Variants in FRMD4A observed in about 807,000 individuals in gnomAD.
The protein encoded by FRMD4A is FERM domain-containing protein 4A.
In FRMD4A, 29 loss-of-function variants were observed where a neutral mutation model predicts 129.1. That is an observed-to-expected ratio of 0.22 (90% CI 0.17 to 0.31). The LOEUF is 0.31. Ranked by LOEUF, FRMD4A falls within the 10% of genes least tolerant of loss-of-function variation. FRMD4A has a pLI of 1.00. For synonymous variants in FRMD4A, 634 were observed against 571.6 expected (o/e 1.11, Z -1.56); for missense variants, 1,272 against 1,375.8 (o/e 0.92, Z 1.19).
At chr10:13,923,681 A>T (rs1276306275) in intron 2 of FRMD4A, among the ~76,000 whole-genome samples, 2 of 152,146 alleles carry the variant, frequency 1.3e-5, no homozygotes, top group Admixed American at 6.5e-5. Context: ...ACTTTTTTTT[A>T]AAACCTGGAC....
At chr10:13,716,047 GT>G (rs1370148831) in intron 12 of FRMD4A, among the ~76,000 whole-genome samples, 1 of 152,070 alleles carries the variant, frequency 6.6e-6, no homozygotes, top group African/African-American at 2.4e-5. Flanking sequence ...TTTGTGTAAT[GT>G]TTTTTTGAAA....
chr10:14,055,462 AAC>A (rs71388155), intron 2 of FRMD4A, among the ~76,000 whole-genome samples: 3,242 of 77,354 alleles, frequency 0.042, 57 homozygotes, highest in East Asian at 0.11. Flanking sequence ...CACACACACA[AAC>A]ACACACACAC....
intron 6 of FRMD4A, among the ~76,000 whole-genome samples, chr10:13,779,330 A>G (rs1235357885): frequency 6.6e-6 from 1 of 152,178 alleles, no homozygotes; most frequent in Non-Finnish European, 1.5e-5. Context: ...AAAAAAAAAA[A>G]AAAGACTTAT....
At chr10:14,127,007 C>T (rs571202274) in intron 2 of FRMD4A, among the ~76,000 whole-genome samples, 9 of 152,274 alleles carry the variant, frequency 5.9e-5, no homozygotes, top group African/African-American at 2.2e-4. Context: ...ACAGTTCCTG[C>T]CCTTATGGAG....
chr10:14,030,075 T>G lies in FRMD4A; in HGVS notation c.46-171163A>C, dbSNP rs926204868. On this transcript the variant is annotated intron_variant, in intron 2 of 24. Coordinates refer to ENST00000357447, the MANE Select transcript of FRMD4A (RefSeq NM_018027.5). ...TAGCCAGACTCACAGAGGAACAGGG[T>G]AGAATGTGGTTTCCAGGAGCTGGAG... is the stretch of plus-strand genomic sequence containing the variant. Among the ~76,000 whole-genome samples the G allele has an allele frequency of 2.0e-5, 3 of 152,058 alleles. No individual in the cohort carries two copies. The East Asian group carries it at 5.8e-4, about 29-fold the overall frequency.
chr10:14,236,860 C>T (rs1167189639), intron 2 of FRMD4A, among the ~76,000 whole-genome samples: 5 of 152,008 alleles, frequency 3.3e-5, no homozygotes, highest in African/African-American at 1.2e-4. Context: ...TCCTGAGTGA[C>T]CCTGGTTCTG....
chr10:13,908,783 A>G (rs558219743), intron 2 of FRMD4A, among the ~76,000 whole-genome samples: 1 of 152,352 alleles, frequency 6.6e-6, no homozygotes, highest in African/African-American at 2.4e-5. Flanking sequence ...TAGCATTGCC[A>G]GAGAAAAGAC....
intron 2 of FRMD4A, among the ~76,000 whole-genome samples, chr10:14,189,724 T>A (rs1842258827): frequency 6.6e-6 from 1 of 152,218 alleles, no homozygotes; most frequent in Non-Finnish European, 1.5e-5. Flanking sequence ...GTAACAGATG[T>A]TAGTGTCATC....
At chr10:13,775,313 G>C (rs1313849533) in intron 6 of FRMD4A, among the ~76,000 whole-genome samples, 1 of 152,250 alleles carries the variant, frequency 6.6e-6, no homozygotes, top group Non-Finnish European at 1.5e-5. Context: ...ATCAGAAGGA[G>C]CAAAAAGGAG....
At chr10:14,137,882 A>T (rs60397947) in intron 2 of FRMD4A, among the ~76,000 whole-genome samples, 6,740 of 152,064 alleles carry the variant, frequency 0.044, 479 homozygotes, top group African/African-American at 0.15. Context: ...AGATGAGATT[A>T]TGTAAGCCCC....
chr10:14,316,610 C>G (rs1205794975), intron 2 of FRMD4A, among the ~76,000 whole-genome samples: 1 of 151,648 alleles, frequency 6.6e-6, no homozygotes, highest in Non-Finnish European at 1.5e-5. Context: ...TGAGTTGGTC[C>G]TCTCAGAAGG....
At chr10:14,195,678 C>G (rs1276312721) in intron 2 of FRMD4A, among the ~76,000 whole-genome samples, 1 of 152,178 alleles carries the variant, frequency 6.6e-6, no homozygotes, top group Non-Finnish European at 1.5e-5. Context: ...ACATGATTCC[C>G]AGCAGGAAGG....
chr10:14,214,817 T>A (rs1272123755), intron 2 of FRMD4A, among the ~76,000 whole-genome samples: 1 of 152,208 alleles, frequency 6.6e-6, no homozygotes, highest in Non-Finnish European at 1.5e-5. Context: ...CAACTGTGAT[T>A]TTTAAAAACC....
chr10:13,747,396 G>A (rs760516588), intron 9 of FRMD4A, among the ~76,000 whole-genome samples: 8 of 151,650 alleles, frequency 5.3e-5, no homozygotes, highest in Non-Finnish European at 8.8e-5. Flanking sequence ...AATTAGCCAG[G>A]TGTGGTGGTG....
intron 2 of FRMD4A, among the ~76,000 whole-genome samples, chr10:13,940,384 G>T (rs911038836): frequency 1.2e-4 from 19 of 152,108 alleles, no homozygotes; most frequent in African/African-American, 4.8e-5. Flanking sequence ...AGAATGTGAG[G>T]TCTTTCCTAC....
intron 3 of FRMD4A, among the ~76,000 whole-genome samples, chr10:13,830,822 C>T (rs903386685): frequency 2.0e-5 from 3 of 152,170 alleles, no homozygotes; most frequent in Admixed American, 1.3e-4. Flanking sequence ...CAGAGTCTCG[C>T]TCTGTCACCC....
At chr10:14,067,113 C>A (rs1030432645) in intron 2 of FRMD4A, among the ~76,000 whole-genome samples, 1 of 151,802 alleles carries the variant, frequency 6.6e-6, no homozygotes, top group South Asian at 2.1e-4. Flanking sequence ...GTCAGGAATT[C>A]GAGACCAGCC....
rs2082262142 is a variant in FRMD4A at position 13,657,451 on chromosome 10, T to G, written c.2138A>C (p.Glu713Ala). The change falls in exon 22 of 25, where the codon GAG becomes GCG. Residue 713 changes from glutamate to alanine, a missense_variant. By Grantham distance (107) the Glu-to-Ala change is moderately radical. Transcript: ENST00000357447. ...CGAGCCCAGGAGCTTGCCCTGGGAC[T>G]CCAGGCTGGAGCTCCGGTGCCTAAA... The part of the protein sequence containing the change: ...LHFRHRSSSL[E>A]SQGKLLGSEN... 6.2e-7 allele frequency: 1 copy of G among 1,611,998 alleles called. No individual in the cohort carries two copies. Among genetic ancestry groups the G allele is most frequent in the African/African-American group, 1.3e-5 (1 of 74,886 alleles).
rs3033944 is a variant in FRMD4A at position 14,091,426 on chromosome 10, G to GGTTTT, written c.46-232519_46-232515dup. Among the ~76,000 whole-genome samples the GGTTTT allele has an allele frequency of 8.2e-3, 1,246 of 152,002 alleles. 81 individuals carry two copies. The East Asian group carries it at 0.16, about 20-fold the overall frequency. On this transcript the variant is annotated intron_variant, in intron 2 of 24. Coordinates refer to ENST00000357447, the MANE Select transcript of FRMD4A (RefSeq NM_018027.5). ...CTGACATTTCCATTCTTAGTTTTTT[G>GGTTTT]GTTTTGTTTTGTTTTGTTGTTGTTT...
Sources: allele counts gnomAD v4.1 joint callset (sites outside exome capture counted in the v4.1 genomes callset), GRCh38; gene constraint gnomAD v4.1.1; transcripts MANE v1.5; gene names NCBI Gene and HGNC (gene_info 2026-07-23, HGNC 2026-07-21).